The following XRCC2 variants were observed in gnomAD, a reference collection of about 807,000 sequenced individuals.
XRCC2 encodes X-ray repair cross complementing 2.
Under a neutral mutation model 27.3 loss-of-function variants are expected in XRCC2, and 24 were observed. The ratio of observed to expected loss-of-function variants is 0.88; its 90% CI spans 0.64 to 1.24. XRCC2 has a LOEUF of 1.24. XRCC2 is among the 50% of genes most tolerant of loss of function. The probability of loss-of-function intolerance (pLI) is 0.00; values close to 1 mark genes in which losing one functional copy is unlikely to be tolerated. For missense variants in XRCC2, 321 were observed against 325.8 expected, an observed-to-expected ratio of 0.99 and a Z score of 0.11; for synonymous variants, 106 against 115.4, an observed-to-expected ratio of 0.92 and a Z score of 0.52.
At chr7:152,652,117 C>T (rs2098028783) in intron 2 of XRCC2, among the ~76,000 whole-genome samples, 2 of 151,488 alleles carry the variant, frequency 1.3e-5, no homozygotes, top group African/African-American at 4.9e-5. Flanking sequence ...GAGCCATGAT[C>T]ATGCCACTGC....
At chr7:152,664,277 G>T (rs1445090657) in intron 1 of XRCC2, among the ~76,000 whole-genome samples, 5 of 152,122 alleles carry the variant, frequency 3.3e-5, no homozygotes, top group African/African-American at 1.2e-4. Flanking sequence ...GACTTATTAA[G>T]CCTGAAGGTG....
At chr7:152,654,663 G>A (rs1176911413) in intron 2 of XRCC2, among the ~76,000 whole-genome samples, 2 of 152,214 alleles carry the variant, frequency 1.3e-5, no homozygotes, top group African/African-American at 2.4e-5. Flanking sequence ...ACTAGCCTAG[G>A]CATTCACTGC....
At position 152,648,351 on chromosome 7, in the gene XRCC2, G is replaced by A. The variant is rs3218542; in HGVS notation, c.*291C>T. On this transcript the variant is annotated 3_prime_UTR_variant, in exon 3 of 3. Transcript: ENST00000359321. The stretch of plus-strand genomic sequence containing the variant: ...GAACCCAAGAGGCAGAGGCTGCAGC[G>A]GGCCGAGATTGTGCCACTGCACTCC... 510 of 206,150 alleles carry A rather than the reference G, an allele frequency of 2.5e-3. 1 individual carries two copies. The highest frequency in any genetic ancestry group is 4.9e-3 in the Middle Eastern group (3 of 616). The allele number at this position is 206,150 out of a possible 1,614,324, so 12.8% of individuals were successfully genotyped here.
At chr7:152,667,510 C>T (rs1196793361) in intron 1 of XRCC2, among the ~76,000 whole-genome samples, 8 of 151,102 alleles carry the variant, frequency 5.3e-5, no homozygotes, top group South Asian at 2.1e-4. Flanking sequence ...AAGGATTAGG[C>T]AATCTGCATC....
At chr7:152,659,296 T>C (rs2098032068) in intron 2 of XRCC2, among the ~76,000 whole-genome samples, 1 of 152,184 alleles carries the variant, frequency 6.6e-6, no homozygotes, top group African/African-American at 2.4e-5. Context: ...CAAAAAATGA[T>C]AAAACTCAGG....
At chr7:152,656,820 A>G (rs2098030876) in intron 2 of XRCC2, among the ~76,000 whole-genome samples, 1 of 152,232 alleles carries the variant, frequency 6.6e-6, no homozygotes, top group Admixed American at 6.5e-5. Context: ...AATTTTGGTT[A>G]GCAAATCTGC....
At chr7:152,656,237 T>C (rs1373319976) in intron 2 of XRCC2, among the ~76,000 whole-genome samples, 1 of 152,130 alleles carries the variant, frequency 6.6e-6, no homozygotes, top group Non-Finnish European at 1.5e-5. Context: ...TTTTAAAAAA[T>C]GTTCGGATGG....
At chr7:152,665,568 C>CCTCCCAG (rs1338489964) in intron 1 of XRCC2, among the ~76,000 whole-genome samples, 5 of 141,478 alleles carry the variant, frequency 3.5e-5, no homozygotes, top group African/African-American at 1.3e-4. Context: ...TGAGACTCAA[C>CCTCCCAG]CTCCCAGGCT....
intron 1 of XRCC2, among the ~76,000 whole-genome samples, chr7:152,666,854 G>A (rs2098035974): frequency 6.6e-6 from 1 of 151,470 alleles, no homozygotes; most frequent in Non-Finnish European, 1.5e-5. Context: ...CTGACCTCAG[G>A]TGATCCACCC....
intron 2 of XRCC2, 100 bp from the exon 3 acceptor site, chr7:152,649,463 T>C (rs2098027582): frequency 1.4e-6 from 2 of 1,393,090 alleles, no homozygotes; most frequent in Non-Finnish European, 1.9e-6. Context: ...CTTACTGGAA[T>C]GTGAAAGAAA....
rs1454551736 is a variant in XRCC2, at chr7:152,647,856, T to C, written c.*786A>G. 6.6e-6 allele frequency: 1 copy of C among 152,220 alleles called. No individual in the cohort carries two copies. The highest frequency in any genetic ancestry group is 2.4e-5 in the African/African-American group (1 of 41,450). 9.4% of individuals were successfully genotyped at this position (152,220 alleles called of 1,614,324 possible). The stretch of plus-strand genomic sequence containing the variant: ...ATGCCTCCAGCTTTGTTCTTTTTGC[T>C]TAGGATTGCCTTACTATCAATATTT... On this transcript the variant is annotated 3_prime_UTR_variant, in exon 3 of 3. Coordinates refer to ENST00000359321, the MANE Select transcript of XRCC2 (RefSeq NM_005431.2).
intron 1 of XRCC2, among the ~76,000 whole-genome samples, chr7:152,667,989 C>T (rs1038379584): frequency 6.6e-6 from 1 of 150,540 alleles, no homozygotes; most frequent in African/African-American, 2.5e-5. Flanking sequence ...GATCACACCA[C>T]TGCACTCTAG....
chr7:152,644,943 G>GAGATGATTCTGATGATTC lies in XRCC2; in HGVS notation c.*3681_*3698dup, dbSNP rs1387292044. ...TTCGATGAGTCCGATTTTTCTGAAA[G>GAGATGATTCTGATGATTC]AGATGATTCTGATGATTCAGATGAT... On this transcript the variant is annotated 3_prime_UTR_variant, in exon 3 of 3. Transcript: ENST00000359321. The GAGATGATTCTGATGATTC allele has an allele frequency of 1.7e-4, 26 of 151,898 alleles. No individual in the cohort carries two copies. Among genetic ancestry groups the GAGATGATTCTGATGATTC allele is most frequent in the Admixed American group, 1.4e-3 (21 of 15,262 alleles). 9.4% of individuals were successfully genotyped at this position (151,898 alleles called of 1,614,324 possible). A position where few individuals can be genotyped will look rare whatever the true frequency, so the allele number is the denominator to read the frequency against.
In XRCC2 at chr7:152,648,413, GAAA is replaced by G. The variant is rs10707642; in HGVS notation, c.*226_*228del. The G allele has an allele frequency of 4.9e-3, 1,279 of 259,702 alleles. No homozygotes were observed. The highest frequency in any genetic ancestry group is 6.3e-3 in the South Asian group (51 of 8,038). The allele number at this position is 259,702 out of a possible 1,614,324, so 16.1% of individuals were successfully genotyped here. On this transcript the variant is annotated 3_prime_UTR_variant, in exon 3 of 3. Transcript: ENST00000359321. ...AGACAGAGTAAGACTGTTTCAAAAA[GAAA>G]AAAAAAAAAAAAGAAAACTTTTGGC...
At chr7:152,654,300 C>G (rs772445645) in intron 2 of XRCC2, among the ~76,000 whole-genome samples, 3 of 150,416 alleles carry the variant, frequency 2.0e-5, no homozygotes, top group East Asian at 2.0e-4. Flanking sequence ...AAACAAAAAT[C>G]TCTTTGATGG....
At chr7:152,674,720 T>TAAAAATATATTATA (rs1563035286) in intron 1 of XRCC2, among the ~76,000 whole-genome samples, 1 of 49,864 alleles carries the variant, frequency 2.0e-5, no homozygotes, top group Non-Finnish European at 3.5e-5. Context: ...TAATATATTT[T>TAAAAATATATTATA]TAAATATATA....
intron 1 of XRCC2, among the ~76,000 whole-genome samples, chr7:152,662,726 C>T (rs1374700064): frequency 1.3e-5 from 2 of 150,744 alleles, no homozygotes; most frequent in African/African-American, 4.9e-5. Flanking sequence ...GCGCCCGCCA[C>T]TACGCCCGGC....
At position 152,647,533 on chromosome 7, in the gene XRCC2, T is replaced by C. The variant is rs1444104556; in HGVS notation, c.*1109A>G. ...TTCCAGGATTTTTACTGTTTTGGGT[T>C]TTACATTAAGTCTTTAATCCATCTT... is the stretch of plus-strand genomic sequence containing the variant. On this transcript the variant is annotated 3_prime_UTR_variant, in exon 3 of 3. Coordinates refer to ENST00000359321, the MANE Select transcript of XRCC2 (RefSeq NM_005431.2). 6.6e-6 allele frequency: 1 copy of C among 151,102 alleles called. No individual in the cohort carries two copies. The highest frequency in any genetic ancestry group is 2.5e-5 in the African/African-American group (1 of 40,432). 9.4% of individuals were successfully genotyped at this position (151,102 alleles called of 1,614,324 possible). A position where few individuals can be genotyped will look rare whatever the true frequency, so the allele number is the denominator to read the frequency against.
At chr7:152,649,547 A>G (rs1345595588) in intron 2 of XRCC2, among the ~76,000 whole-genome samples, 184 bp from the exon 3 acceptor site, 1 of 152,176 alleles carries the variant, frequency 6.6e-6, no homozygotes, top group Non-Finnish European at 1.5e-5. Context: ...GCCTGGTGGG[A>G]AGGTTGGAAG....
Sources: gnomAD v4.1 joint callset for allele counts (sites outside exome capture counted in the v4.1 genomes callset) on GRCh38, gnomAD v4.1.1 for gene constraint, MANE v1.5 for transcripts, NCBI Gene and HGNC (gene_info 2026-07-23, HGNC 2026-07-21) for gene names.